The following LMO7 variants were observed in gnomAD, a reference collection of about 807,000 sequenced individuals.
LMO7 encodes the protein LIM domain 7.
In LMO7, 120 loss-of-function variants were observed where a neutral mutation model predicts 206.5. The observed-to-expected ratio is 0.58, with a 90% confidence interval of 0.50 to 0.68. LMO7 has a LOEUF of 0.68. LMO7 is among the 30% of genes least tolerant of loss of function. The pLI is 0.00. For missense variants in LMO7, 1,959 were observed against 1,957.9 expected (o/e 1.00, Z -0.01); for synonymous variants, 706 against 681.5 (o/e 1.04, Z -0.56).
chr13:75,704,099 G>T (rs1027145341), intron 1 of LMO7, among the ~76,000 whole-genome samples: 1 of 152,176 alleles, frequency 6.6e-6, no homozygotes, highest in Non-Finnish European at 1.5e-5. Flanking sequence ...GTAAAGAAGG[G>T]TGTTTTTAAT....
intron 1 of LMO7, among the ~76,000 whole-genome samples, chr13:75,695,621 A>T (rs1331270993): frequency 6.6e-6 from 1 of 152,240 alleles, no homozygotes; most frequent in Non-Finnish European, 1.5e-5. Flanking sequence ...TTGGGATTAC[A>T]GGCGTGAGCT....
intron 1 of LMO7, among the ~76,000 whole-genome samples, chr13:75,682,127 T>C (rs1291969901): frequency 6.6e-6 from 1 of 152,230 alleles, no homozygotes; most frequent in Non-Finnish European, 1.5e-5. Flanking sequence ...TCTATTCTTC[T>C]ACACCCTTGT....
chr13:75,783,110 C>G lies in LMO7; in HGVS notation c.318-12291C>G, dbSNP rs184342154. ...AAGAAAACCATTTGTGATGGCATAACATGGATTATTCACATACAGTATATT... is the reference window on the plus strand; with the variant it reads ...AAGAAAACCATTTGTGATGGCATAAGATGGATTATTCACATACAGTATATT... On this transcript the variant is annotated intron_variant, in intron 4 of 30. Transcript: ENST00000377534. Among the ~76,000 whole-genome samples, 36 of 152,208 alleles carry G rather than the reference C, an allele frequency of 2.4e-4. No individual in the cohort carries two copies. The East Asian group carries it at 6.4e-3, about 27-fold the overall frequency.
intron 3 of LMO7, among the ~76,000 whole-genome samples, chr13:75,757,342 TC>T (rs1247406982): frequency 6.6e-6 from 1 of 152,202 alleles, no homozygotes; most frequent in African/African-American, 2.4e-5. Flanking sequence ...CTAAGGCCAC[TC>T]CTGAATTACC....
At chr13:75,680,103 G>A (rs565208640) in intron 1 of LMO7, among the ~76,000 whole-genome samples, 1 of 152,258 alleles carries the variant, frequency 6.6e-6, no homozygotes, top group East Asian at 1.9e-4. Flanking sequence ...CTGTGTCCAT[G>A]TGTTCTCATT....
At chr13:75,648,963 A>G (rs1170605832) in intron 1 of LMO7, among the ~76,000 whole-genome samples, 2 of 152,194 alleles carry the variant, frequency 1.3e-5, no homozygotes, top group Non-Finnish European at 2.9e-5. Flanking sequence ...TGGGAAAAGC[A>G]TTTGGGAACT....
intron 1 of LMO7, among the ~76,000 whole-genome samples, chr13:75,705,618 C>T (rs147686807): frequency 6.6e-5 from 10 of 152,260 alleles, no homozygotes; most frequent in East Asian, 3.9e-4. Context: ...AACAGCATTA[C>T]GTGAAATGTG....
At chr13:75,753,650 T>C (rs1232002688) in intron 3 of LMO7, among the ~76,000 whole-genome samples, 1 of 152,200 alleles carries the variant, frequency 6.6e-6, no homozygotes, top group Non-Finnish European at 1.5e-5. Flanking sequence ...CAAGATCTGA[T>C]GGTTTTATAA....
In LMO7 at chr13:75,760,916, C is replaced by G. The variant is rs774075227; in HGVS notation, c.211-16C>G. On this transcript the variant is annotated splice_polypyrimidine_tract_variant and intron_variant, in intron 3 of 30. Transcript: ENST00000377534. ...GAGAGCTCAGCTAAGCAATCACTTTCCACTTCTTTTCACAGGATAATATAA... is the reference window on the plus strand; with the variant it reads ...GAGAGCTCAGCTAAGCAATCACTTTGCACTTCTTTTCACAGGATAATATAA... 2 of 1,612,640 alleles carry G rather than the reference C, an allele frequency of 1.2e-6. No homozygotes were observed. Among genetic ancestry groups the G allele is most frequent in the Non-Finnish European group, 1.7e-6 (2 of 1,179,358 alleles).
intron 1 of LMO7, among the ~76,000 whole-genome samples, chr13:75,658,924 A>G (rs2038313366): frequency 6.6e-6 from 1 of 152,142 alleles, no homozygotes; most frequent in South Asian, 2.1e-4. Flanking sequence ...GTGTAGAAAA[A>G]TGCTATTGAG....
At chr13:75,679,115 A>C (rs1016290374) in intron 1 of LMO7, among the ~76,000 whole-genome samples, 5 of 152,206 alleles carry the variant, frequency 3.3e-5, no homozygotes, top group Admixed American at 6.5e-5. Context: ...CATGACACAG[A>C]ATATTTCATT....
At chr13:75,726,986 T>C (rs2044536894) in intron 2 of LMO7, 43 bp from the exon 3 acceptor site, 3 of 1,085,512 alleles carry the variant, frequency 2.8e-6, no homozygotes, top group African/African-American at 3.1e-5. Flanking sequence ...AAAAACCTGA[T>C]ATTGGCATCT....
intron 6 of LMO7, among the ~76,000 whole-genome samples, chr13:75,798,580 C>T (rs1009991700): frequency 6.6e-6 from 1 of 152,138 alleles, no homozygotes; most frequent in Admixed American, 6.6e-5. Flanking sequence ...GGTTCCATTC[C>T]ATTATAATAA....
At chr13:75,823,157 T>C (rs1370764503) in intron 14 of LMO7, among the ~76,000 whole-genome samples, 1 of 152,146 alleles carries the variant, frequency 6.6e-6, no homozygotes, top group Non-Finnish European at 1.5e-5. Context: ...ATGTTCTCAG[T>C]TCATTTAGTC....
intron 4 of LMO7, among the ~76,000 whole-genome samples, chr13:75,785,739 C>G (rs186069089): frequency 9.2e-5 from 14 of 152,272 alleles, no homozygotes; most frequent in Admixed American, 6.5e-4. Flanking sequence ...GCCAGTTTCT[C>G]CTGTTTCATG....
intron 24 of LMO7, among the ~76,000 whole-genome samples, 168 bp from the exon 25 acceptor site, chr13:75,842,683 C>G (rs972518856): frequency 5.3e-5 from 8 of 152,122 alleles, no homozygotes; most frequent in Non-Finnish European, 1.0e-4. Flanking sequence ...AATAGTGGGT[C>G]TATTTTCTGT....
chr13:75,654,361 C>T (rs556089476), intron 1 of LMO7, among the ~76,000 whole-genome samples: 2 of 152,188 alleles, frequency 1.3e-5, no homozygotes, highest in African/African-American at 4.8e-5. Flanking sequence ...TCTTGAGAGA[C>T]AGTGAGAGAG....
rs141430226 is a variant in LMO7, at chr13:75,763,262, C to T, written c.317+2224C>T. ...ATGCTGCTGAATACACTTTAATGCA[C>T]GGGATAGCCTCCACAACAAAGAATT... is the stretch of plus-strand genomic sequence containing the variant. On this transcript the variant is annotated intron_variant, in intron 4 of 30. Coordinates refer to ENST00000377534, the MANE Select transcript of LMO7 (RefSeq NM_001306080.2). Among the ~76,000 whole-genome samples, 477 of 152,152 alleles carry T rather than the reference C, an allele frequency of 3.1e-3. 1 individual carries two copies. The highest frequency in any genetic ancestry group is 4.2e-3 in the African/African-American group (173 of 41,514).
Position 75,740,723 on chromosome 13 carries a change from G to A in LMO7, c.210+13625G>A, listed in dbSNP as rs916181404. On this transcript the variant is annotated intron_variant, in intron 3 of 30. Transcript: ENST00000377534. The stretch of plus-strand genomic sequence containing the variant: ...CTGATTACATGCCTAGTCACTAACA[G>A]CAGCATTGGTACTGGGCTGATTCTG... Among the ~76,000 whole-genome samples, 5 of 152,266 alleles carry A rather than the reference G, an allele frequency of 3.3e-5. 1 individual carries two copies. In the East Asian group the frequency reaches 5.8e-4, roughly 18 times the overall value.
Sources: gnomAD v4.1 joint callset for allele counts (sites outside exome capture counted in the v4.1 genomes callset) on GRCh38, gnomAD v4.1.1 for gene constraint, MANE v1.5 for transcripts, NCBI Gene and HGNC (gene_info 2026-07-23, HGNC 2026-07-21) for gene names.